The following SH3BP5L variants were observed in gnomAD, a reference collection of about 807,000 sequenced individuals.
The protein encoded by SH3BP5L is SH3 binding domain protein 5 like, also known as SH3 domain-binding protein 5-like.
Under a neutral mutation model 40.9 loss-of-function variants are expected in SH3BP5L, and 16 were observed. That is an observed-to-expected ratio of 0.39 (90% CI 0.27 to 0.59). The LOEUF is 0.59. Ranked by LOEUF, SH3BP5L falls within the 20% of genes least tolerant of loss-of-function variation. SH3BP5L has a pLI of 0.53. For synonymous variants in SH3BP5L, 229 were observed against 226.7 expected (o/e 1.01, Z -0.09); for missense variants, 471 against 544.6 (o/e 0.86, Z 1.35).
chr1:248,814,618 G>C lies in SH3BP5L; in HGVS notation c.376-8C>G. On this transcript the variant is annotated splice_region_variant and splice_polypyrimidine_tract_variant and intron_variant, in intron 4 of 6. Transcript: ENST00000366472. ...CTGTGTCTCCTGCTGAGCCTGGGGG[G>C]AGAGGGATATCAGGATGGGGAACCC... 1 of 1,614,222 alleles carries C rather than the reference G, an allele frequency of 6.2e-7. No individual in the cohort carries two copies.
At chr1:248,818,808 G>C (rs1401556274) in intron 2 of SH3BP5L, among the ~76,000 whole-genome samples, 1 of 152,258 alleles carries the variant, frequency 6.6e-6, no homozygotes, top group East Asian at 1.9e-4. Context: ...TCTGTGCCAA[G>C]GGCCTTGTGC....
rs868151144 is a variant in SH3BP5L, at chr1:248,811,758, G to T, written c.*142C>A. ...ACGCCAGGGCAGGCACAGAGGACTC[G>T]AACACAGCTGGCCTCTCCCAGGGAA... is the stretch of plus-strand genomic sequence containing the variant. On this transcript the variant is annotated 3_prime_UTR_variant, in exon 7 of 7. Coordinates refer to ENST00000366472, the MANE Select transcript of SH3BP5L (RefSeq NM_030645.3). 6 of 654,284 alleles carry T rather than the reference G, an allele frequency of 9.2e-6. No individual in the cohort carries two copies. Among genetic ancestry groups the T allele is most frequent in the Non-Finnish European group, 1.5e-5 (6 of 391,846 alleles). 40.5% of individuals were successfully genotyped at this position (654,284 alleles called of 1,614,324 possible). A position where few individuals can be genotyped will look rare whatever the true frequency, so the allele number is the denominator to read the frequency against.
chr1:248,817,649 T>C (rs1447179851), intron 2 of SH3BP5L, among the ~76,000 whole-genome samples: 3 of 151,894 alleles, frequency 2.0e-5, no homozygotes, highest in African/African-American at 4.8e-5. Flanking sequence ...GGTCAGGAGT[T>C]TGAGACCAGC....
chr1:248,817,429 T>C (rs1392726390), intron 2 of SH3BP5L, among the ~76,000 whole-genome samples: 1 of 152,122 alleles, frequency 6.6e-6, no homozygotes, highest in Non-Finnish European at 1.5e-5. Context: ...CTGGGCAGTA[T>C]GTGCAGCCTT....
Position 248,812,071 on chromosome 1 carries a change from G to A in SH3BP5L, c.1011C>T (p.Ser337=). The A allele has an allele frequency of 6.2e-7, 1 of 1,612,960 alleles. No individual in the cohort carries two copies. Among genetic ancestry groups the A allele is most frequent in the Non-Finnish European group, 8.5e-7 (1 of 1,179,600 alleles). Residue 337 remains serine (S), a synonymous_variant, in exon 7 of 7, where the codon AGC becomes AGT. Transcript: ENST00000366472. The surrounding 1 kb of genome is among the most constrained non-coding windows in gnomAD (Gnocchi z 6.1). ...APDTDTLSLL[S]LRTVASDLQK... ...GCAGGTCTGAAGCCACCGTGCGCAG[G>A]CTCAGCAGACTCAGGGTATCGGTGT... is the stretch of plus-strand genomic sequence containing the variant.
In SH3BP5L at chr1:248,824,943, G is replaced by C. The variant is rs774082515; in HGVS notation, c.-8C>G. 1 of 1,610,890 alleles carries C rather than the reference G, an allele frequency of 6.2e-7. No homozygotes were observed. Among genetic ancestry groups the C allele is most frequent in the Non-Finnish European group, 8.5e-7 (1 of 1,178,776 alleles). ...CTGTCTGAGCTCAGCCATGCTGACA[G>C]GGGGAGGGCAGAGCCCTATGCACAA... On this transcript the variant is annotated 5_prime_UTR_variant, in exon 2 of 7. Transcript: ENST00000366472.
intron 2 of SH3BP5L, among the ~76,000 whole-genome samples, chr1:248,818,630 C>A (rs1231746807): frequency 6.6e-6 from 1 of 152,188 alleles, no homozygotes; most frequent in Non-Finnish European, 1.5e-5. Context: ...GCCTTCCTGG[C>A]CCCTGGAAGG....
intron 2 of SH3BP5L, among the ~76,000 whole-genome samples, chr1:248,818,203 C>G (rs1483008274): frequency 6.6e-6 from 1 of 152,214 alleles, no homozygotes; most frequent in East Asian, 1.9e-4. Flanking sequence ...CAAAAATTAG[C>G]TGGGCGTGGT....
Position 248,812,163 on chromosome 1 carries a change from C to T in SH3BP5L, c.919G>A (p.Gly307Arg), listed in dbSNP as rs1283224412. ...CCCGCACCCTCGGCCCCCTCAATCC[C>T]GCTGTCTCCGTCCTCCATGTCCTCG... ...GPEDMEDGDS[G>R]IEGAEGAGLE... The change falls in exon 7 of 7, where the codon GGG becomes AGG. Residue 307 changes from glycine to arginine, a missense_variant. Gly to Arg is a moderately radical substitution (Grantham distance 125). Coordinates refer to ENST00000366472, the MANE Select transcript of SH3BP5L (RefSeq NM_030645.3). This position sits in a 1 kb window ranked among gnomAD's most constrained non-coding sequence, Gnocchi z 6.1. 5 of 1,597,652 alleles carry T rather than the reference C, an allele frequency of 3.1e-6. No individual in the cohort carries two copies. The Admixed American group carries it at 5.1e-5, about 16-fold the overall frequency.
chr1:248,812,420 T>C lies in SH3BP5L; in HGVS notation c.712-50A>G, dbSNP rs1220664306. 6.9e-7 allele frequency: 1 copy of C among 1,441,220 alleles called. No homozygotes were observed. The highest frequency in any genetic ancestry group is 9.6e-7 in the Non-Finnish European group (1 of 1,042,132). The allele number at this position is 1,441,220 out of a possible 1,614,324, so 89.3% of individuals were successfully genotyped here. A position where few individuals can be genotyped will look rare whatever the true frequency, so the allele number is the denominator to read the frequency against. On this transcript the variant is annotated intron_variant, in intron 6 of 6. Transcript: ENST00000366472. This position sits in a 1 kb window ranked among gnomAD's most constrained non-coding sequence, Gnocchi z 6.1. ...GCGACCCATGGGGCACGTCTCCACC[T>C]TCCTCAGCACTCTGCACTGAGGTCT...
In SH3BP5L at chr1:248,820,641, A is replaced by G. The variant is rs537718234; in HGVS notation, c.184-3757T>C. The G allele has an allele frequency of 2.6e-5, 4 of 152,352 alleles. No homozygotes were observed. The South Asian group carries it at 8.3e-4, about 32-fold the overall frequency. 9.4% of individuals were successfully genotyped at this position (152,352 alleles called of 1,614,324 possible). A position where few individuals can be genotyped will look rare whatever the true frequency, so the allele number is the denominator to read the frequency against. On this transcript the variant is annotated intron_variant, in intron 2 of 6. Transcript: ENST00000366472. ...TGTGACCACCCTCCTGGGAATGAGG[A>G]CACCACTGGAAGGACATCTCAGTAA... is the stretch of plus-strand genomic sequence containing the variant.
At chr1:248,813,198 T>C in intron 5 of SH3BP5L, 36 bp from the exon 6 acceptor site, 1 of 1,472,928 alleles carries the variant, frequency 6.8e-7, no homozygotes, top group Non-Finnish European at 9.0e-7. Flanking sequence ...CCAGGACCCA[T>C]GCTTCAGTCT....
chr1:248,814,353 A>G, intron 5 of SH3BP5L, 96 bp downstream of exon 5: 1 of 1,351,276 alleles, frequency 7.4e-7, no homozygotes, highest in Non-Finnish European at 1.0e-6. Context: ...AAAGAAGGCT[A>G]GAATAGAGGG....
Position 248,812,499 on chromosome 1 carries a change from C to A in SH3BP5L, c.712-129G>T. 1 of 680,288 alleles carries A rather than the reference C, an allele frequency of 1.5e-6. No homozygotes were observed. 42.1% of individuals were successfully genotyped at this position (680,288 alleles called of 1,614,324 possible). ...CAGCTGGCTCAGCATCCACCACAGA[C>A]CCACAACAGCCTTCCCTGCTCCACT... is the stretch of plus-strand genomic sequence containing the variant. On this transcript the variant is annotated intron_variant, in intron 6 of 6. Coordinates refer to ENST00000366472, the MANE Select transcript of SH3BP5L (RefSeq NM_030645.3). The surrounding 1 kb of genome is among the most constrained non-coding windows in gnomAD (Gnocchi z 6.1).
intron 4 of SH3BP5L, 90 bp downstream of exon 4, chr1:248,816,444 G>A (rs1401532195): frequency 6.5e-7 from 1 of 1,543,330 alleles, no homozygotes; most frequent in Non-Finnish European, 8.9e-7. Flanking sequence ...TCAGGGTCTG[G>A]TGTTTTGTCT....
In SH3BP5L at chr1:248,812,879, A is replaced by G; in HGVS notation, c.711+110T>C. ...ACCACCCTTCCCCACCGCTAGCCGG[A>G]GGCCTCACCCTGGCCACCTCACCAA... On this transcript the variant is annotated intron_variant, in intron 6 of 6. Transcript: ENST00000366472. The surrounding 1 kb of genome is among the most constrained non-coding windows in gnomAD (Gnocchi z 6.1). 1 of 966,408 alleles carries G rather than the reference A, an allele frequency of 1.0e-6. No individual in the cohort carries two copies. Among genetic ancestry groups the G allele is most frequent in the Non-Finnish European group, 1.5e-6 (1 of 653,970 alleles). 59.9% of individuals were successfully genotyped at this position (966,408 alleles called of 1,614,324 possible).
In SH3BP5L at chr1:248,812,164, G is replaced by T. The variant is rs762432464; in HGVS notation, c.918C>A (p.Ser306Arg). 1.3e-6 allele frequency: 2 copies of T among 1,596,808 alleles called. No individual in the cohort carries two copies. The highest frequency in any genetic ancestry group is 2.2e-5 in the South Asian group (2 of 89,368). The change falls in exon 7 of 7, where the codon AGC (serine) becomes AGA (arginine). Residue 306 changes from serine to arginine, a missense_variant. Transcript: ENST00000366472. This position sits in a 1 kb window ranked among gnomAD's most constrained non-coding sequence, Gnocchi z 6.1. ...CCGCACCCTCGGCCCCCTCAATCCC[G>T]CTGTCTCCGTCCTCCATGTCCTCGG... The part of the protein sequence containing the change: ...AGPEDMEDGD[S>R]GIEGAEGAGL...
chr1:248,825,463 T>A, intron 1 of SH3BP5L, 97 bp from the exon 2 acceptor site: 1 of 845,020 alleles, frequency 1.2e-6, no homozygotes, highest in Non-Finnish European at 1.4e-6. Context: ...AACTACACTC[T>A]CACCACGCCC....
At chr1:248,820,740 A>G (rs1664237240) in intron 2 of SH3BP5L, 1 of 152,180 alleles carries the variant, frequency 6.6e-6, no homozygotes, top group Admixed American at 6.5e-5. Flanking sequence ...TGCAACAAAC[A>G]TTGATTGTGG....
Sources: allele counts gnomAD v4.1 joint callset (sites outside exome capture counted in the v4.1 genomes callset), GRCh38; gene constraint gnomAD v4.1.1; non-coding constraint Gnocchi (gnomAD v3.1); transcripts MANE v1.5; gene names NCBI Gene and HGNC (gene_info 2026-07-23, HGNC 2026-07-21).